The following MS4A15 variants were observed in gnomAD, a reference collection of about 807,000 sequenced individuals.
MS4A15 encodes the protein membrane-spanning 4-domains subfamily A member 15.
MS4A15 carries 22 observed loss-of-function variants against 20.6 expected under a neutral mutation model. The ratio of observed to expected loss-of-function variants is 1.07; its 90% CI spans 0.76 to 1.52. The LOEUF (loss-of-function observed/expected upper bound fraction) is 1.52, where lower values mean the gene tolerates loss of function less well. Ranked by LOEUF, MS4A15 falls within the 40% of genes most tolerant of loss-of-function variation. The probability of loss-of-function intolerance (pLI) is 0.00; values close to 1 mark genes in which losing one functional copy is unlikely to be tolerated. For synonymous variants in MS4A15, 129 were observed against 129.3 expected (o/e 1.00, Z 0.02); for missense variants, 312 against 323.0 (o/e 0.97, Z 0.26).
rs1167967321 is a variant in MS4A15 at position 60,775,774 on chromosome 11, C to G, written c.*59C>G. ...CCTTTTCCCTCTGGGCCCAGCCTCT[C>G]CCCACCCCCACCTTGTTCATCAGGG... On this transcript the variant is annotated 3_prime_UTR_variant, in exon 7 of 7. Transcript: ENST00000405633. The G allele has an allele frequency of 1.9e-5, 25 of 1,346,542 alleles. No individual in the cohort carries two copies. The highest frequency in any genetic ancestry group is 2.4e-5 in the Non-Finnish European group (23 of 961,390). 83.4% of individuals were successfully genotyped at this position (1,346,542 alleles called of 1,614,324 possible).
Position 60,773,487 on chromosome 11 carries a change from G to A in MS4A15, c.498+3G>A, listed in dbSNP as rs1310831841. On this transcript the variant is annotated splice_donor_region_variant and intron_variant, in intron 5 of 6. Transcript: ENST00000405633. ...TGGATTTTGGTGTTACCAACCGGGT[G>A]CGTTGTCAGATGGCCCTCGGGGTGG... is the stretch of plus-strand genomic sequence containing the variant. 1.9e-6 allele frequency: 3 copies of A among 1,613,378 alleles called. No homozygotes were observed. The highest frequency in any genetic ancestry group is 1.3e-5 in the African/African-American group (1 of 74,932).
Position 60,773,400 on chromosome 11 carries a change from C to T in MS4A15, c.414C>T (p.Ser138=), listed in dbSNP as rs140880873. ...EKNHTSCLVR[S]SLGTNILSVM... ...CTCTCTGCTCTCTGCAGGTGAGGAG[C>T]AGCCTGGGCACCAACATCCTCAGCG... Residue 138 remains serine (S), a synonymous_variant, in exon 5 of 7, where the codon AGC becomes AGT. Coordinates refer to ENST00000405633, the MANE Select transcript of MS4A15 (RefSeq NM_001098835.2). 3 of 1,612,572 alleles carry T rather than the reference C, an allele frequency of 1.9e-6. No individual in the cohort carries two copies. Among genetic ancestry groups the T allele is most frequent in the Admixed American group, 3.3e-5 (2 of 59,956 alleles).
rs779882697 is a variant in MS4A15, at chr11:60,767,551, G to A, written c.244G>A (p.Gly82Ser). 3.9e-6 allele frequency: 6 copies of A among 1,547,430 alleles called. No homozygotes were observed. The highest frequency in any genetic ancestry group is 1.7e-4 in the Middle Eastern group (1 of 6,008). ...CCCGCAGACGGTGCAGATCCTCATCGGCCTCATCCACCTAGGCTTTGGCAG... is the reference window on the plus strand; with the variant it reads ...CCCGCAGACGGTGCAGATCCTCATCAGCCTCATCCACCTAGGCTTTGGCAG... ...KVLGTVQILI[G>S]LIHLGFGSVL... is the part of the protein sequence containing the mutation. The change falls in exon 3 of 7, where the codon GGC becomes AGC. Residue 82 changes from glycine (G) to serine (S), a missense_variant. Coordinates refer to ENST00000405633, the MANE Select transcript of MS4A15 (RefSeq NM_001098835.2).
chr11:60,762,218 A>G (rs1590975569), intron 1 of MS4A15, among the ~76,000 whole-genome samples: 1 of 152,366 alleles, frequency 6.6e-6, no homozygotes, highest in East Asian at 1.9e-4. Context: ...AAAAACAGGT[A>G]AATATTAATC....
At chr11:60,775,329 G>GAAAAAAC (rs1554970114) in intron 6 of MS4A15, among the ~76,000 whole-genome samples, 1 of 139,328 alleles carries the variant, frequency 7.2e-6, no homozygotes, top group Non-Finnish European at 1.5e-5. Flanking sequence ...AAAAAAAAAA[G>GAAAAAAC]AAAAGAAAAA....
intron 3 of MS4A15, among the ~76,000 whole-genome samples, chr11:60,770,339 A>C (rs1590983365): frequency 6.6e-6 from 1 of 152,180 alleles, no homozygotes; most frequent in East Asian, 1.9e-4. Flanking sequence ...GTGGCTGATG[A>C]CTGTAATCCC....
chr11:60,762,919 A>C (rs1853783120), intron 1 of MS4A15, among the ~76,000 whole-genome samples: 1 of 152,164 alleles, frequency 6.6e-6, no homozygotes, highest in Non-Finnish European at 1.5e-5. Context: ...ACAGCCTCCT[A>C]AGAAGGTGGT....
At chr11:60,766,375 C>T (rs1348920828) in intron 2 of MS4A15, among the ~76,000 whole-genome samples, 2 of 152,144 alleles carry the variant, frequency 1.3e-5, no homozygotes, top group African/African-American at 4.8e-5. Context: ...GAGTGAAACT[C>T]CTTCTCAAAA....
chr11:60,770,637 A>G (rs947960474), intron 3 of MS4A15, among the ~76,000 whole-genome samples: 5 of 151,600 alleles, frequency 3.3e-5, no homozygotes, highest in Non-Finnish European at 2.9e-5. Flanking sequence ...TTGAGGGCAG[A>G]GATCTGGTCT....
chr11:60,759,057 C>A (rs1329278081), intron 1 of MS4A15, among the ~76,000 whole-genome samples: 1 of 152,232 alleles, frequency 6.6e-6, no homozygotes, highest in Non-Finnish European at 1.5e-5. Context: ...TACTAATGAA[C>A]CCCTACTAGC....
chr11:60,767,724 C>T (rs1367770368), intron 3 of MS4A15, 69 bp downstream of exon 3: 7 of 1,441,456 alleles, frequency 4.9e-6, no homozygotes, highest in Non-Finnish European at 6.4e-6. Context: ...CCCCACGCGC[C>T]CACCCCCACC....
At chr11:60,760,274 C>T (rs551026730) in intron 1 of MS4A15, among the ~76,000 whole-genome samples, 3 of 152,334 alleles carry the variant, frequency 2.0e-5, no homozygotes, top group East Asian at 1.9e-4. Context: ...TCCATCAGAA[C>T]GCCTGCAGTC....
At chr11:60,765,480 C>A (rs1236406409) in intron 2 of MS4A15, among the ~76,000 whole-genome samples, 1 of 152,100 alleles carries the variant, frequency 6.6e-6, no homozygotes, top group Non-Finnish European at 1.5e-5. Context: ...GGTGCACGTA[C>A]TGTGCCGGGG....
chr11:60,767,587 A>C lies in MS4A15; in HGVS notation c.280A>C (p.Met94Leu). The C allele has an allele frequency of 6.4e-7, 1 of 1,556,498 alleles. No homozygotes were observed. Among genetic ancestry groups the C allele is most frequent in the Non-Finnish European group, 8.7e-7 (1 of 1,149,318 alleles). ...CCTAGGCTTTGGCAGCGTGCTGCTC[A>C]TGGTTCGCCGCGGCCACGTGGGCAT... ...IHLGFGSVLLMVRRGHVGIFF... is the reference protein window; with the variant it reads ...IHLGFGSVLLLVRRGHVGIFF... Residue 94 changes from methionine (M) to leucine (L), a missense_variant, in exon 3 of 7, where the codon ATG becomes CTG. Physicochemically the swap from Met to Leu is conservative, Grantham distance 15 (BLOSUM62 2). Coordinates refer to ENST00000405633, the MANE Select transcript of MS4A15 (RefSeq NM_001098835.2).
intron 1 of MS4A15, among the ~76,000 whole-genome samples, chr11:60,757,854 C>T (rs991217106): frequency 1.2e-4 from 19 of 152,230 alleles, no homozygotes; most frequent in African/African-American, 4.6e-4. Context: ...AAGGGAGACT[C>T]TGAGGCGCTT....
intron 3 of MS4A15, among the ~76,000 whole-genome samples, chr11:60,769,888 C>T (rs932853533): frequency 1.6e-4 from 25 of 152,180 alleles, no homozygotes; most frequent in African/African-American, 6.0e-4. Context: ...CCTGTAGTGA[C>T]TCATTCCTGG....
rs2134737837 is a variant in MS4A15 at position 60,776,351 on chromosome 11, C to G, written c.*636C>G. The G allele has an allele frequency of 6.6e-6, 1 of 152,490 alleles. No homozygotes were observed. The highest frequency in any genetic ancestry group is 6.5e-5 in the Admixed American group (1 of 15,304). The allele number at this position is 152,490 out of a possible 1,614,324, so 9.4% of individuals were successfully genotyped here. On this transcript the variant is annotated 3_prime_UTR_variant, in exon 7 of 7. Coordinates refer to ENST00000405633, the MANE Select transcript of MS4A15 (RefSeq NM_001098835.2). ...TCCTGGGTCTAGGCCAGGCATTGTC[C>G]CCCTGCTTCCTGGAAACCCTCATTT...
At chr11:60,771,718 G>T (rs1282612630) in intron 4 of MS4A15, 3 of 1,277,544 alleles carry the variant, frequency 2.3e-6, no homozygotes, top group East Asian at 9.8e-5. Context: ...GGGCAGGGTC[G>T]CCACTGAAAC....
intron 1 of MS4A15, among the ~76,000 whole-genome samples, chr11:60,757,591 G>A (rs565558330): frequency 2.0e-5 from 3 of 152,196 alleles, no homozygotes; most frequent in East Asian, 3.9e-4. Flanking sequence ...AGGACGGACC[G>A]GAGCCTTTTC....
Sources: allele counts gnomAD v4.1 joint callset (sites outside exome capture counted in the v4.1 genomes callset), GRCh38; gene constraint gnomAD v4.1.1; transcripts MANE v1.5; gene names NCBI Gene and HGNC (gene_info 2026-07-23, HGNC 2026-07-21).